The following GNAO1 variants were observed in gnomAD, a reference collection of about 807,000 sequenced individuals.
GNAO1 encodes G protein subunit alpha o1, also known as guanine nucleotide-binding protein G(o) subunit alpha.
For synonymous variants in GNAO1, 164 were observed against 180.7 expected (o/e 0.91, Z 0.74); for missense variants, 166 against 478.7 (o/e 0.35, Z 6.10).
chr16:56,345,673 T>C, intron 6 of GNAO1: 1 of 985,562 alleles, frequency 1.0e-6, no homozygotes, highest in Non-Finnish European at 1.2e-6. Flanking sequence ...TGCTGGGACG[T>C]GGCAGAGGAC....
intron 2 of GNAO1, among the ~76,000 whole-genome samples, chr16:56,232,168 T>G (rs2036594830): frequency 6.6e-6 from 1 of 152,126 alleles, no homozygotes; most frequent in Admixed American, 6.6e-5. Context: ...GCATCCTCCC[T>G]CCTGCAGCCT....
chr16:56,295,966 C>G (rs2037284252), intron 3 of GNAO1, among the ~76,000 whole-genome samples: 2 of 152,256 alleles, frequency 1.3e-5, no homozygotes, highest in Non-Finnish European at 2.9e-5. Context: ...TCTTCCCGTA[C>G]CTTCCAGAGC....
intron 2 of GNAO1, among the ~76,000 whole-genome samples, chr16:56,203,533 C>T (rs2036299175): frequency 6.6e-6 from 1 of 152,048 alleles, no homozygotes; most frequent in Admixed American, 6.6e-5. Flanking sequence ...ATGGGAGAGA[C>T]TGAGGCTTTG....
chr16:56,303,079 C>A (rs559808412), intron 3 of GNAO1, among the ~76,000 whole-genome samples: 1 of 152,208 alleles, frequency 6.6e-6, no homozygotes, highest in Non-Finnish European at 1.5e-5. Context: ...GGGACCTCCA[C>A]GCGCAGCCGA....
In GNAO1 at chr16:56,328,661, A is replaced by G. The variant is rs2037659241; in HGVS notation, c.334A>G (p.Ser112Gly). 6.2e-7 allele frequency: 1 copy of G among 1,614,066 alleles called. No individual in the cohort carries two copies. Among genetic ancestry groups the G allele is most frequent in the Non-Finnish European group, 8.5e-7 (1 of 1,180,006 alleles). The change falls in exon 4 of 9, where the codon AGT becomes GGT. Residue 112 changes from serine (S) to glycine (G), a missense_variant. By Grantham distance (56) the Ser-to-Gly change is moderately conservative. Transcript: ENST00000262493. Reference sequence around the variant, plus strand: ...CGCCAAGATGGTGTGTGATGTGGTGAGTCGGATGGAAGACACCGAGCCCTT... The same window carrying G: ...CGCCAAGATGGTGTGTGATGTGGTGGGTCGGATGGAAGACACCGAGCCCTT... ...ADAKMVCDVV[S>G]RMEDTEPFSA...
chr16:56,213,936 G>A (rs1273500362), intron 2 of GNAO1, among the ~76,000 whole-genome samples: 8 of 152,072 alleles, frequency 5.3e-5, no homozygotes, highest in Non-Finnish European at 8.8e-5. Flanking sequence ...TCACAGACTC[G>A]TGTAGACCTG....
chr16:56,344,144 G>T lies in GNAO1; in HGVS notation c.724-7240G>T, dbSNP rs2037839339. On this transcript the variant is annotated intron_variant, in intron 6 of 8. Transcript: ENST00000262493. ...GAACTTGTGGTAACGCAGGGGCGGG[G>T]CGGGGCTGCTGAGTGCATGCTGCAA... The T allele has an allele frequency of 7.6e-6, 11 of 1,440,288 alleles. No individual in the cohort carries two copies. The East Asian group carries it at 2.5e-4, about 33-fold the overall frequency. The allele number at this position is 1,440,288 out of a possible 1,614,324, so 89.2% of individuals were successfully genotyped here.
chr16:56,232,127 A>C (rs958773790), intron 2 of GNAO1, among the ~76,000 whole-genome samples: 1 of 152,086 alleles, frequency 6.6e-6, no homozygotes, highest in African/African-American at 2.4e-5. Context: ...AAAAAAAAAA[A>C]TGTTTCCTTT....
intron 2 of GNAO1, among the ~76,000 whole-genome samples, chr16:56,197,727 G>C (rs148816531): frequency 9.2e-5 from 14 of 152,280 alleles, no homozygotes; most frequent in Admixed American, 7.8e-4. Flanking sequence ...AGTGTGTCTT[G>C]TTTCTTTTAA....
chr16:56,311,970 C>G lies in GNAO1; in HGVS notation c.304-16661C>G, dbSNP rs2037463133. Among the ~76,000 whole-genome samples the G allele has an allele frequency of 6.6e-6, 1 of 152,198 alleles. No homozygotes were observed. The highest frequency in any genetic ancestry group is 1.5e-5 in the Non-Finnish European group (1 of 68,028). The stretch of plus-strand genomic sequence containing the variant: ...CCGGTTCCCCTGGGTGGGCACCAGC[C>G]AAGCCCTCTGGGAGCTGAGAAGAGC... On this transcript the variant is annotated intron_variant, in intron 3 of 8. Coordinates refer to ENST00000262493, the MANE Select transcript of GNAO1 (RefSeq NM_020988.3). The surrounding 1 kb of genome is among the most constrained non-coding windows in gnomAD (Gnocchi z 5.2).
chr16:56,206,244 C>T (rs576075900), intron 2 of GNAO1, among the ~76,000 whole-genome samples: 4 of 150,828 alleles, frequency 2.7e-5, no homozygotes, highest in Admixed American at 6.6e-5. Flanking sequence ...CACTTGAACC[C>T]GGTAGGCAGA....
At chr16:56,209,319 G>A (rs1251239996) in intron 2 of GNAO1, among the ~76,000 whole-genome samples, 1 of 152,088 alleles carries the variant, frequency 6.6e-6, no homozygotes, top group Non-Finnish European at 1.5e-5. Flanking sequence ...GCATCCCATT[G>A]GACTCTATTC....
chr16:56,208,150 C>T (rs1481563772), intron 2 of GNAO1, among the ~76,000 whole-genome samples: 2 of 151,984 alleles, frequency 1.3e-5, no homozygotes, highest in African/African-American at 4.8e-5. Context: ...TCATAATATC[C>T]CAGTTGTATG....
intron 2 of GNAO1, among the ~76,000 whole-genome samples, chr16:56,222,680 A>G (rs550725121): frequency 9.9e-5 from 15 of 152,264 alleles, no homozygotes; most frequent in Non-Finnish European, 1.9e-4. Context: ...TTGAGCCTCC[A>G]TCGTAGGTGT....
intron 2 of GNAO1, among the ~76,000 whole-genome samples, chr16:56,230,899 G>T (rs907436198): frequency 6.6e-6 from 1 of 152,198 alleles, no homozygotes; most frequent in Non-Finnish European, 1.5e-5. Context: ...GACAGAAAGG[G>T]AGGGTGTGCC....
At chr16:56,292,865 T>C (rs763010558) in intron 3 of GNAO1, among the ~76,000 whole-genome samples, 1 of 152,198 alleles carries the variant, frequency 6.6e-6, no homozygotes, top group Non-Finnish European at 1.5e-5. Flanking sequence ...CTCTGGAAAA[T>C]GCCCAACTCC....
chr16:56,255,184 C>T (rs976234043), intron 2 of GNAO1, among the ~76,000 whole-genome samples: 5 of 152,216 alleles, frequency 3.3e-5, no homozygotes, highest in Non-Finnish European at 1.5e-5. Flanking sequence ...CCCAGAACAT[C>T]TACCATTCTC....
At chr16:56,328,906 G>A (rs1449301514) in intron 4 of GNAO1, 115 bp downstream of exon 4, 47 of 1,023,830 alleles carry the variant, frequency 4.6e-5, no homozygotes, top group Admixed American at 1.3e-4. Flanking sequence ...CACGCCTGCC[G>A]GGAGATGTTC....
intron 2 of GNAO1, among the ~76,000 whole-genome samples, chr16:56,200,655 C>G (rs1410644784): frequency 2.6e-5 from 4 of 152,174 alleles, no homozygotes; most frequent in African/African-American, 7.2e-5. Flanking sequence ...CTAGACCACC[C>G]CCAGTATGGG....
Sources: allele counts gnomAD v4.1 joint callset (sites outside exome capture counted in the v4.1 genomes callset), GRCh38; gene constraint gnomAD v4.1.1; non-coding constraint Gnocchi (gnomAD v3.1); transcripts MANE v1.5; gene names NCBI Gene and HGNC (gene_info 2026-07-23, HGNC 2026-07-21).